GRAP2: variants seen among roughly 807,000 people sequenced by gnomAD.
The protein encoded by GRAP2 is GRB2 related adaptor protein 2.
In GRAP2, 31 loss-of-function variants were observed where a neutral mutation model predicts 43.5. The observed-to-expected ratio is 0.71, with a 90% CI of 0.54 to 0.96. The LOEUF (loss-of-function observed/expected upper bound fraction) is 0.96. GRAP2 is among the 40% of genes least tolerant of loss of function. The pLI is 0.00. For synonymous variants in GRAP2, 156 were observed against 164.8 expected (o/e 0.95, Z 0.41); for missense variants, 371 against 424.4 (o/e 0.87, Z 1.11).
chr22:39,959,366 T>C (rs2145662336), intron 3 of GRAP2, among the ~76,000 whole-genome samples: 1 of 152,328 alleles, frequency 6.6e-6, no homozygotes, highest in East Asian at 1.9e-4. Flanking sequence ...TTTCCCAGCC[T>C]GGATTTTTGG....
rs777202273 is a variant in GRAP2, at chr22:39,971,092, A to G, written c.*8A>G. The G allele has an allele frequency of 1.6e-5, 25 of 1,598,598 alleles. No homozygotes were observed. Among genetic ancestry groups the G allele is most frequent in the Non-Finnish European group, 2.0e-5 (24 of 1,173,534 alleles). ...GCACCCATGACCCGATAAACTCTTCAGGGGACAGAAGCTTTTTGTCTGGAG... is the reference window on the plus strand; with the variant it reads ...GCACCCATGACCCGATAAACTCTTCGGGGGACAGAAGCTTTTTGTCTGGAG... On this transcript the variant is annotated 3_prime_UTR_variant, in exon 8 of 8. Coordinates refer to ENST00000344138, the MANE Select transcript of GRAP2 (RefSeq NM_004810.4).
chr22:39,968,011 G>A, intron 5 of GRAP2, 31 bp from the exon 6 acceptor site: 1 of 1,598,466 alleles, frequency 6.3e-7, no homozygotes, highest in Non-Finnish European at 8.6e-7. Flanking sequence ...AGAGGAGGAT[G>A]CATCTGCAGC....
rs1199896896 is a variant in GRAP2, at chr22:39,955,735, G to A, written c.79-84G>A. 5.5e-6 allele frequency: 4 copies of A among 725,216 alleles called. 1 individual carries two copies. In the Admixed American group the frequency reaches 6.0e-5, roughly 11 times the overall value. 44.9% of individuals were successfully genotyped at this position (725,216 alleles called of 1,614,324 possible). On this transcript the variant is annotated intron_variant, in intron 2 of 7. Coordinates refer to ENST00000344138, the MANE Select transcript of GRAP2 (RefSeq NM_004810.4). Reference sequence around the variant, plus strand: ...CATATTTTCCTCTAAGTCCAAAAGGGCCTTCTTTGCCTGGCAGCCCCTTTC... The same window carrying A: ...CATATTTTCCTCTAAGTCCAAAAGGACCTTCTTTGCCTGGCAGCCCCTTTC...
intron 3 of GRAP2, among the ~76,000 whole-genome samples, chr22:39,959,808 C>T (rs1271342371): frequency 6.6e-6 from 1 of 152,214 alleles, no homozygotes; most frequent in African/African-American, 2.4e-5. Flanking sequence ...TGATTCGTTT[C>T]CCAGGCTGGA....
chr22:39,908,829 A>G (rs2066539782), intron 1 of GRAP2, among the ~76,000 whole-genome samples: 1 of 152,214 alleles, frequency 6.6e-6, no homozygotes. Flanking sequence ...AAGTGGAGTT[A>G]GATCAACTTG....
At chr22:39,962,144 C>T (rs7285609) in intron 4 of GRAP2, among the ~76,000 whole-genome samples, 69,032 of 152,110 alleles carry the variant, frequency 0.45, 17,170 homozygotes, top group Middle Eastern at 0.59. Flanking sequence ...AAGTCAGGGT[C>T]GGGCGCCGTG....
chr22:39,972,741 G>A lies in GRAP2; in HGVS notation c.*1657G>A, dbSNP rs1349399479. 1 of 152,416 alleles carries A rather than the reference G, an allele frequency of 6.6e-6. No individual in the cohort carries two copies. Among genetic ancestry groups the A allele is most frequent in the Non-Finnish European group, 1.5e-5 (1 of 68,054 alleles). 9.4% of individuals were successfully genotyped at this position (152,416 alleles called of 1,614,324 possible). A position where few individuals can be genotyped will look rare whatever the true frequency, so the allele number is the denominator to read the frequency against. On this transcript the variant is annotated 3_prime_UTR_variant, in exon 8 of 8. Transcript: ENST00000344138. ...TCCTTTAGAGGAAAGAGGAAAAAAG[G>A]AACTCTGTGGTGGGTATTGGGAGGG...
intron 1 of GRAP2, among the ~76,000 whole-genome samples, chr22:39,927,438 A>G (rs1030746886): frequency 6.6e-6 from 1 of 152,252 alleles, no homozygotes; most frequent in Non-Finnish European, 1.5e-5. Context: ...GCTGAAAAGC[A>G]GACATGTTTA....
At chr22:39,906,450 A>G (rs1601685495) in intron 1 of GRAP2, among the ~76,000 whole-genome samples, 1 of 152,222 alleles carries the variant, frequency 6.6e-6, no homozygotes, top group African/African-American at 2.4e-5. Context: ...TAGCATTACA[A>G]AAGGGTTCGA....
At chr22:39,917,599 G>A (rs1469017938) in intron 1 of GRAP2, among the ~76,000 whole-genome samples, 1 of 152,008 alleles carries the variant, frequency 6.6e-6, no homozygotes, top group Admixed American at 6.6e-5. Flanking sequence ...TGACCTTCTG[G>A]ATATATGACT....
chr22:39,918,378 A>T (rs1445877496), intron 1 of GRAP2, among the ~76,000 whole-genome samples: 2 of 152,166 alleles, frequency 1.3e-5, no homozygotes, highest in African/African-American at 4.8e-5. Context: ...GGCACTTTAG[A>T]CGTCCATATT....
upstream of GRAP2, among the ~76,000 whole-genome samples, chr22:39,898,569 T>C (rs982930003): frequency 1.3e-5 from 2 of 152,194 alleles, no homozygotes; most frequent in Non-Finnish European, 2.9e-5. Context: ...TCCCAGCACT[T>C]TGGGGGGCCA....
chr22:39,900,595 A>T (rs2066486959), upstream of GRAP2, among the ~76,000 whole-genome samples: 1 of 152,214 alleles, frequency 6.6e-6, no homozygotes, highest in Non-Finnish European at 1.5e-5. Context: ...CAGAAATTGA[A>T]GTCCCAGAAA....
At chr22:39,954,138 A>C (rs1436551997) in intron 2 of GRAP2, among the ~76,000 whole-genome samples, 2 of 152,202 alleles carry the variant, frequency 1.3e-5, no homozygotes, top group African/African-American at 4.8e-5. Flanking sequence ...TCTCCTCTAC[A>C]TATGGATGCC....
intron 1 of GRAP2, among the ~76,000 whole-genome samples, chr22:39,929,085 G>A (rs2066731855): frequency 6.6e-6 from 1 of 152,150 alleles, no homozygotes; most frequent in African/African-American, 2.4e-5. Flanking sequence ...TTTTACTAAG[G>A]ATACTTCCTG....
At chr22:39,943,374 C>A (rs2066889577) in intron 1 of GRAP2, among the ~76,000 whole-genome samples, 1 of 152,162 alleles carries the variant, frequency 6.6e-6, no homozygotes. Flanking sequence ...AAATCATGTT[C>A]AGGGCAGTCC....
At chr22:39,959,328 T>G (rs1247906548) in intron 3 of GRAP2, among the ~76,000 whole-genome samples, 3 of 152,232 alleles carry the variant, frequency 2.0e-5, no homozygotes, top group African/African-American at 7.2e-5. Flanking sequence ...TAATTTCTCC[T>G]GTTTCTTCTT....
At chr22:39,939,561 C>CAAAAAAA (rs386395434) in intron 1 of GRAP2, among the ~76,000 whole-genome samples, 56 of 63,858 alleles carry the variant, frequency 8.8e-4, no homozygotes, top group East Asian at 1.8e-3. Flanking sequence ...GACTCCGTCT[C>CAAAAAAA]AAAAAAAAAA....
upstream of GRAP2, among the ~76,000 whole-genome samples, chr22:39,897,849 T>C (rs1447375318): frequency 6.6e-6 from 1 of 152,176 alleles, no homozygotes; most frequent in Non-Finnish European, 1.5e-5. Context: ...GTCTCTCTTC[T>C]TCTGTTCTTG....
Sources: allele counts gnomAD v4.1 joint callset (sites outside exome capture counted in the v4.1 genomes callset), GRCh38; gene constraint gnomAD v4.1.1; transcripts MANE v1.5; gene names NCBI Gene and HGNC (gene_info 2026-07-23, HGNC 2026-07-21).